KCNMB2: variants seen among roughly 807,000 people sequenced by gnomAD.
KCNMB2 encodes potassium calcium-activated channel subfamily M regulatory beta subunit 2.
In KCNMB2, 9 loss-of-function variants were observed where a neutral mutation model predicts 24.5. The ratio of observed to expected loss-of-function variants is 0.37; its 90% CI spans 0.22 to 0.64. The LOEUF is 0.64. Among genes scored for constraint, KCNMB2 ranks in the 30% least tolerant of loss-of-function variants. The pLI is 0.63. For missense variants in KCNMB2, 226 were observed against 284.3 expected (o/e 0.79, Z 1.47); for synonymous variants, 109 against 104.4 (o/e 1.04, Z -0.27).
At chr3:178,820,161 G>T (rs564419547) in intron 2 of KCNMB2, among the ~76,000 whole-genome samples, 49 of 152,308 alleles carry the variant, frequency 3.2e-4, no homozygotes, top group South Asian at 2.5e-3. Context: ...ATCTGTAAGT[G>T]TCGTAAAGTT....
At chr3:178,553,659 TC>T (rs1304945591) in intron 1 of KCNMB2, among the ~76,000 whole-genome samples, 5 of 151,622 alleles carry the variant, frequency 3.3e-5, no homozygotes, top group Admixed American at 3.3e-4. Context: ...GCCTCATCAC[TC>T]CCAGGGAGCA....
intron 1 of KCNMB2, among the ~76,000 whole-genome samples, chr3:178,759,561 A>C (rs564792329): frequency 3.8e-5 from 5 of 132,240 alleles, no homozygotes; most frequent in Admixed American, 7.7e-5. Flanking sequence ...GGATATATAT[A>C]TCTCTCTCCA....
chr3:178,725,872 TA>T (rs1228684313), intron 1 of KCNMB2, among the ~76,000 whole-genome samples: 3 of 151,936 alleles, frequency 2.0e-5, no homozygotes, highest in African/African-American at 4.8e-5. Flanking sequence ...GTAGTTGGTT[TA>T]TTTTTTTAAT....
At position 178,810,962 on chromosome 3, in the gene KCNMB2, C is replaced by G. The variant is rs538705423; in HGVS notation, c.56+3497C>G. 5.4e-5 allele frequency among the ~76,000 whole-genome samples: 8 copies of G among 147,360 alleles called. No individual in the cohort carries two copies. In the South Asian group the frequency reaches 1.7e-3, roughly 32 times the overall value. On this transcript the variant is annotated intron_variant, in intron 2 of 4. Transcript: ENST00000452583. The stretch of plus-strand genomic sequence containing the variant: ...AGAGACGGGGCTTCACCATGTTAGC[C>G]AGGATGGTCTCAATCTCCTGACCTC...
chr3:178,701,652 C>A lies in KCNMB2; in HGVS notation c.-67-105691C>A, dbSNP rs35714630. Among the ~76,000 whole-genome samples, 340 of 152,186 alleles carry A rather than the reference C, an allele frequency of 2.2e-3. 2 individuals carry two copies. Among genetic ancestry groups the A allele is most frequent in the Middle Eastern group, 6.8e-3 (2 of 294 alleles). On this transcript the variant is annotated intron_variant, in intron 1 of 4. Transcript: ENST00000452583. ...CAAAAGAAGACATTTATGCAGCCAA[C>A]AGACACATGAAAAAATGCTCATCAT...
intron 1 of KCNMB2, among the ~76,000 whole-genome samples, chr3:178,684,326 G>A (rs1187656798): frequency 8.9e-6 from 1 of 112,842 alleles, no homozygotes; most frequent in Admixed American, 1.2e-4. Context: ...CAAAACAGTG[G>A]TTGCCAGGGT....
chr3:178,558,066 A>G (rs1560108215), intron 1 of KCNMB2, among the ~76,000 whole-genome samples: 1 of 151,682 alleles, frequency 6.6e-6, no homozygotes, highest in Non-Finnish European at 1.5e-5. Flanking sequence ...TGCAAGAGAG[A>G]AAAAAAAACT....
chr3:178,816,564 A>T (rs1714410980), intron 2 of KCNMB2, among the ~76,000 whole-genome samples: 1 of 152,056 alleles, frequency 6.6e-6, no homozygotes, highest in Non-Finnish European at 1.5e-5. Context: ...TTGGATGCCT[A>T]GTGCATTAAT....
intron 1 of KCNMB2, among the ~76,000 whole-genome samples, chr3:178,741,413 T>G (rs1463231826): frequency 6.6e-6 from 1 of 152,166 alleles, no homozygotes; most frequent in Non-Finnish European, 1.5e-5. Flanking sequence ...ATATCTCTTG[T>G]TTTTCTTTTT....
At chr3:178,632,487 G>A (rs1056464835) in intron 1 of KCNMB2, among the ~76,000 whole-genome samples, 1 of 152,184 alleles carries the variant, frequency 6.6e-6, no homozygotes, top group Non-Finnish European at 1.5e-5. Context: ...GCAGCAAGGA[G>A]AAGTGCTGAG....
chr3:178,800,494 T>C (rs777585341), intron 1 of KCNMB2, among the ~76,000 whole-genome samples: 2 of 152,140 alleles, frequency 1.3e-5, no homozygotes, highest in African/African-American at 2.4e-5. Context: ...TCACCCCAAG[T>C]TAAAATGACT....
At chr3:178,593,368 A>ATT (rs921961301) in intron 1 of KCNMB2, among the ~76,000 whole-genome samples, 2 of 152,134 alleles carry the variant, frequency 1.3e-5, no homozygotes, top group African/African-American at 4.8e-5. Flanking sequence ...ACAGGGACTA[A>ATT]TCAAATGAAA....
chr3:178,744,248 AAC>A (rs775781240), intron 1 of KCNMB2, among the ~76,000 whole-genome samples: 1 of 152,234 alleles, frequency 6.6e-6, no homozygotes, highest in Non-Finnish European at 1.5e-5. Context: ...ATAGATTAAT[AAC>A]CTGAAATATC....
chr3:178,655,134 CTCTCTCTCT>C (rs1270632701), intron 1 of KCNMB2, among the ~76,000 whole-genome samples: 1 of 143,656 alleles, frequency 7.0e-6, no homozygotes, highest in Admixed American at 6.9e-5. Flanking sequence ...CTCTCTCTCT[CTCTCTCTCT>C]ATCTCTATTT....
chr3:178,722,967 C>T (rs1722856810), intron 1 of KCNMB2, among the ~76,000 whole-genome samples: 1 of 152,036 alleles, frequency 6.6e-6, no homozygotes, highest in African/African-American at 2.4e-5. Flanking sequence ...ACATTCAAAC[C>T]ATAACAGTGT....
At chr3:178,823,612 T>A (rs1714718751) in intron 2 of KCNMB2, among the ~76,000 whole-genome samples, 1 of 152,128 alleles carries the variant, frequency 6.6e-6, no homozygotes, top group African/African-American at 2.4e-5. Context: ...ATTAAGTACA[T>A]ACACACTCCA....
chr3:178,811,565 T>C (rs1040399386), intron 2 of KCNMB2, among the ~76,000 whole-genome samples: 3 of 152,250 alleles, frequency 2.0e-5, no homozygotes, highest in African/African-American at 7.2e-5. Context: ...TTATCTGCTA[T>C]GTAGTCTCCC....
intron 1 of KCNMB2, among the ~76,000 whole-genome samples, chr3:178,648,500 C>A (rs891594741): frequency 6.6e-5 from 10 of 152,146 alleles, no homozygotes; most frequent in Non-Finnish European, 1.3e-4. Context: ...TATGATCATG[C>A]CACTTTACCC....
chr3:178,579,241 G>T (rs1198629460), intron 1 of KCNMB2, among the ~76,000 whole-genome samples: 1 of 152,148 alleles, frequency 6.6e-6, no homozygotes, highest in Admixed American at 6.5e-5. Context: ...CAACTACATG[G>T]AAACTGAACA....
Sources: gnomAD v4.1 joint callset for allele counts (sites outside exome capture counted in the v4.1 genomes callset) on GRCh38, gnomAD v4.1.1 for gene constraint, MANE v1.5 for transcripts, NCBI Gene and HGNC (gene_info 2026-07-23, HGNC 2026-07-21) for gene names.